The following USP37 variants were observed in gnomAD, a reference collection of about 807,000 sequenced individuals.
The protein encoded by USP37 is ubiquitin carboxyl-terminal hydrolase 37.
In USP37, 27 loss-of-function variants were observed where a neutral mutation model predicts 124.0. The observed-to-expected ratio is 0.22, with a 90% CI of 0.16 to 0.30. The LOEUF is 0.30. Ranked by LOEUF, USP37 falls within the 10% of genes least tolerant of loss-of-function variation. The pLI is 1.00. For missense variants in USP37, 889 were observed against 1,140.4 expected (o/e 0.78, Z 3.17); for synonymous variants, 365 against 388.0 (o/e 0.94, Z 0.70).
chr2:218,454,830 G>T lies in USP37; in HGVS notation c.*100C>A. Reference sequence around the variant, plus strand: ...TGGCCCTGAGCTGTTTGTTGCTCCCGCATCAAGTAGAATTCCAAATTCTCC... The same window carrying T: ...TGGCCCTGAGCTGTTTGTTGCTCCCTCATCAAGTAGAATTCCAAATTCTCC... On this transcript the variant is annotated 3_prime_UTR_variant, in exon 26 of 26. Coordinates refer to ENST00000258399, the MANE Select transcript of USP37 (RefSeq NM_020935.3). 3 of 1,541,082 alleles carry T rather than the reference G, an allele frequency of 1.9e-6. No individual in the cohort carries two copies. The South Asian group carries it at 3.7e-5, about 19-fold the overall frequency.
chr2:218,469,814 CTTTTTTTTTTT>C (rs71064451), intron 20 of USP37, among the ~76,000 whole-genome samples: 1 of 64,646 alleles, frequency 1.5e-5, no homozygotes, highest in South Asian at 7.3e-4. Flanking sequence ...ACTCAACATT[CTTTTTTTTTTT>C]TTTTTTTTTT....
chr2:218,540,203 G>A (rs1691898848), intron 8 of USP37, among the ~76,000 whole-genome samples: 2 of 152,072 alleles, frequency 1.3e-5, no homozygotes, highest in Admixed American at 6.6e-5. Flanking sequence ...TGATAACCAA[G>A]ATGGCTATTA....
chr2:218,484,392 C>G (rs1033419785), intron 16 of USP37, among the ~76,000 whole-genome samples: 3 of 152,038 alleles, frequency 2.0e-5, no homozygotes, highest in Non-Finnish European at 4.4e-5. Flanking sequence ...GAGGCCAAGG[C>G]AGGTGGATCA....
rs1056239120 is a variant in USP37 at position 218,451,930 on chromosome 2, T to G, written c.*3000A>C. 9.8e-5 allele frequency: 15 copies of G among 152,786 alleles called. No individual in the cohort carries two copies. The highest frequency in any genetic ancestry group is 3.6e-4 in the African/African-American group (15 of 41,584). 9.5% of individuals were successfully genotyped at this position (152,786 alleles called of 1,614,324 possible). A position where few individuals can be genotyped will look rare whatever the true frequency, so the allele number is the denominator to read the frequency against. ...GACCAGTTCATGGATTTGCTTATTC[T>G]ATCCTGCTGAGACAAAACTCATGAG... On this transcript the variant is annotated 3_prime_UTR_variant, in exon 26 of 26. Transcript: ENST00000258399.
intron 20 of USP37, among the ~76,000 whole-genome samples, chr2:218,470,393 G>C (rs1042786130): frequency 6.6e-6 from 1 of 151,682 alleles, no homozygotes; most frequent in Non-Finnish European, 1.5e-5. Context: ...TTCTTGTTTG[G>C]ACTACTGCAA....
At position 218,459,797 on chromosome 2, in the gene USP37, TTTC is replaced by T; in HGVS notation, c.2633_2635del (p.Arg878del). The stretch of plus-strand genomic sequence containing the variant: ...AGGAATGAAAACAATTACCTCAGCA[TTTC>T]TTTTCAGTTCCTCAGCTTCAGCTTC... On this transcript the variant is annotated inframe_deletion, in exon 23 of 26. Coordinates refer to ENST00000258399, the MANE Select transcript of USP37 (RefSeq NM_020935.3). 6.2e-7 allele frequency: 1 copy of T among 1,612,856 alleles called. No homozygotes were observed. Among genetic ancestry groups the T allele is most frequent in the Non-Finnish European group, 8.5e-7 (1 of 1,179,164 alleles).
At chr2:218,512,335 T>C (rs1690045148) in intron 10 of USP37, among the ~76,000 whole-genome samples, 1 of 151,952 alleles carries the variant, frequency 6.6e-6, no homozygotes, top group Non-Finnish European at 1.5e-5. Flanking sequence ...GGAGAAACCC[T>C]GTCTCTACTA....
chr2:218,480,914 T>G (rs17462853), intron 17 of USP37, among the ~76,000 whole-genome samples: 45,402 of 152,158 alleles, frequency 0.3, 7,877 homozygotes, highest in Non-Finnish European at 0.39. Context: ...CCTTTATTAG[T>G]AGACCCTTGA....
chr2:218,560,996 A>G (rs1393828436), intron 2 of USP37, 113 bp from the exon 3 acceptor site: 1 of 152,240 alleles, frequency 6.6e-6, no homozygotes, highest in Non-Finnish European at 1.5e-5. Flanking sequence ...AGTGCTTACT[A>G]TGGGCAGATT....
In USP37 at chr2:218,465,921, C is replaced by G. The variant is rs144775927; in HGVS notation, c.2466+89G>C. 7,490 of 1,439,798 alleles carry G rather than the reference C, an allele frequency of 5.2e-3. 24 individuals are homozygous for G. The highest frequency in any genetic ancestry group is 9.4e-3 in the South Asian group (733 of 78,088). 89.2% of individuals were successfully genotyped at this position (1,439,798 alleles called of 1,614,324 possible). On this transcript the variant is annotated intron_variant, in intron 21 of 25. Transcript: ENST00000258399. ...AAATCATCTGGAACAATGTCTGACA[C>G]ATAGTAAGTGCTCAACACATTAGTT...
At chr2:218,506,083 C>T (rs533070793) in intron 11 of USP37, among the ~76,000 whole-genome samples, 5 of 149,224 alleles carry the variant, frequency 3.4e-5, no homozygotes, top group Admixed American at 2.7e-4. Flanking sequence ...AGATTGGTCT[C>T]GAATTCCTGG....
At chr2:218,564,398 C>A (rs1257443355) in intron 1 of USP37, among the ~76,000 whole-genome samples, 1 of 152,148 alleles carries the variant, frequency 6.6e-6, no homozygotes, top group African/African-American at 2.4e-5. Flanking sequence ...AGAGACATTA[C>A]ATAATTTATA....
intron 8 of USP37, among the ~76,000 whole-genome samples, chr2:218,543,890 T>C (rs1056171406): frequency 2.6e-5 from 4 of 152,172 alleles, no homozygotes; most frequent in African/African-American, 9.6e-5. Context: ...TCTGGTAATT[T>C]GAAACCATGG....
chr2:218,471,802 G>T (rs1690705690), intron 20 of USP37, among the ~76,000 whole-genome samples: 1 of 151,906 alleles, frequency 6.6e-6, no homozygotes, highest in Non-Finnish European at 1.5e-5. Flanking sequence ...GAGGCAGGTG[G>T]ATCACCTGAG....
chr2:218,498,371 T>A (rs1689185020), intron 11 of USP37: 1 of 346,140 alleles, frequency 2.9e-6, no homozygotes, highest in Non-Finnish European at 5.1e-6. Flanking sequence ...TTCTAACAAG[T>A]TACTAGATCA....
At chr2:218,505,211 G>T (rs1186719328) in intron 11 of USP37, among the ~76,000 whole-genome samples, 1 of 152,030 alleles carries the variant, frequency 6.6e-6, no homozygotes, top group African/African-American at 2.4e-5. Flanking sequence ...TAGAGATGTG[G>T]TTTTTCTGTG....
intron 1 of USP37, among the ~76,000 whole-genome samples, chr2:218,564,407 T>C (rs951613234): frequency 1.1e-4 from 16 of 152,200 alleles, no homozygotes; most frequent in Non-Finnish European, 2.1e-4. Context: ...ACATAATTTA[T>C]AAATACAGTC....
chr2:218,565,205 G>A (rs1693525889), intron 1 of USP37, among the ~76,000 whole-genome samples: 1 of 152,220 alleles, frequency 6.6e-6, no homozygotes, highest in African/African-American at 2.4e-5. Flanking sequence ...TTACTGGCAT[G>A]AGCCAATGCA....
chr2:218,563,107 G>A (rs1354243435), intron 1 of USP37, among the ~76,000 whole-genome samples: 5 of 146,924 alleles, frequency 3.4e-5, no homozygotes, highest in African/African-American at 5.1e-5. Context: ...AGGTTGCAGT[G>A]AGCAGAGATC....
Sources: allele counts gnomAD v4.1 joint callset (sites outside exome capture counted in the v4.1 genomes callset), GRCh38; gene constraint gnomAD v4.1.1; transcripts MANE v1.5; gene names NCBI Gene and HGNC (gene_info 2026-07-23, HGNC 2026-07-21).